Variants in ENKUR observed in about 807,000 individuals in gnomAD.
ENKUR encodes the protein enkurin.
Under a neutral mutation model 27.6 loss-of-function variants are expected in ENKUR, and 19 were observed. The ratio of observed to expected loss-of-function variants is 0.69; its 90% CI spans 0.48 to 1.01. The LOEUF (loss-of-function observed/expected upper bound fraction) is 1.01. Ranked by LOEUF, ENKUR falls within the 50% of genes least tolerant of loss-of-function variation. The pLI, the probability that ENKUR is intolerant of heterozygous loss-of-function variation, is 0.00. For synonymous variants in ENKUR, 117 were observed against 96.9 expected, an observed-to-expected ratio of 1.21 and a Z score of -1.22; for missense variants, 312 against 310.5, an observed-to-expected ratio of 1.00 and a Z score of -0.04.
intron 2 of ENKUR, among the ~76,000 whole-genome samples, chr10:25,047,759 G>C (rs1405093092): frequency 6.6e-6 from 1 of 152,056 alleles, no homozygotes; most frequent in African/African-American, 2.4e-5. Flanking sequence ...CTCATTATAG[G>C]CTTTTTATAG....
intron 2 of ENKUR, among the ~76,000 whole-genome samples, chr10:25,047,515 A>G (rs892913868): frequency 2.0e-5 from 3 of 152,184 alleles, no homozygotes; most frequent in African/African-American, 7.2e-5. Context: ...CTTTCAGAAA[A>G]GTATTGACAA....
At chr10:25,029,419 ATTGTT>A (rs1224325669) in intron 2 of ENKUR, among the ~76,000 whole-genome samples, 1 of 152,158 alleles carries the variant, frequency 6.6e-6, no homozygotes. Flanking sequence ...AAGACAATAA[ATTGTT>A]TTGTATGAAG....
intron 4 of ENKUR, among the ~76,000 whole-genome samples, chr10:24,988,238 ATATATATATATATGTGTATATATATATT>A (rs1157393684): frequency 6.9e-6 from 1 of 145,544 alleles, no homozygotes; most frequent in Admixed American, 7.0e-5. Context: ...AAAAATGTAT[ATATATATATATATGTGTATATATATATT>A]TATATATATG....
chr10:25,009,801 T>C (rs1420988835), intron 1 of ENKUR, among the ~76,000 whole-genome samples: 2 of 152,094 alleles, frequency 1.3e-5, no homozygotes, highest in Non-Finnish European at 2.9e-5. Flanking sequence ...GGCGTTCCCC[T>C]GCACACACTC....
intron 1 of ENKUR, among the ~76,000 whole-genome samples, chr10:25,009,892 A>G (rs1850401781): frequency 6.6e-6 from 1 of 152,192 alleles, no homozygotes. Flanking sequence ...GCCATGTGGA[A>G]CTGCGAGTCA....
At chr10:25,060,115 T>A (rs1221315850) in intron 2 of ENKUR, among the ~76,000 whole-genome samples, 1 of 152,168 alleles carries the variant, frequency 6.6e-6, no homozygotes, top group Non-Finnish European at 1.5e-5. Context: ...AGGAAGCCTG[T>A]GAAGCCGACC....
At chr10:25,020,238 A>ATATATCTATATT (rs1554772120), upstream of ENKUR, among the ~76,000 whole-genome samples, 805 of 126,634 alleles carry the variant, frequency 6.4e-3, 6 homozygotes, top group African/African-American at 0.019. Context: ...TTTCTTTAAA[A>ATATATCTATATT]TATATCTATA....
chr10:25,004,597 T>C (rs1392709676), intron 1 of ENKUR, among the ~76,000 whole-genome samples: 1 of 152,240 alleles, frequency 6.6e-6, no homozygotes, highest in Non-Finnish European at 1.5e-5. Flanking sequence ...CTTTGCCAAC[T>C]TTTTAATAGC....
At chr10:25,043,103 G>A (rs955494349) in intron 2 of ENKUR, among the ~76,000 whole-genome samples, 2 of 152,046 alleles carry the variant, frequency 1.3e-5, no homozygotes, top group Non-Finnish European at 2.9e-5. Context: ...CCAAAATTAG[G>A]TTTGAAAATT....
chr10:25,061,636 C>T (rs983938945), intron 1 of ENKUR, among the ~76,000 whole-genome samples: 23 of 152,168 alleles, frequency 1.5e-4, no homozygotes, highest in African/African-American at 4.8e-4. Context: ...GGAAAATCAA[C>T]ATGTTTCTCT....
At chr10:25,061,184 G>C in exon 2 of ENKUR, 1 of 1,534,764 alleles carries the variant, frequency 6.5e-7, no homozygotes, top group Non-Finnish European at 8.7e-7. Context: ...GAAGTTCATA[G>C]GTGTTGGACA....
chr10:25,020,338 A>T (rs942553954), upstream of ENKUR, among the ~76,000 whole-genome samples: 1 of 152,018 alleles, frequency 6.6e-6, no homozygotes, highest in East Asian at 1.9e-4. Context: ...ACAAGAGGGT[A>T]GAGGGGAACT....
chr10:25,028,551 T>C (rs1036653531), intron 2 of ENKUR, among the ~76,000 whole-genome samples: 2 of 152,224 alleles, frequency 1.3e-5, no homozygotes, highest in African/African-American at 4.8e-5. Context: ...TTTCTTCTTA[T>C]GGTATTTAGA....
At chr10:25,024,265 G>T (rs1484709911) in intron 2 of ENKUR, 1 of 1,614,156 alleles carries the variant, frequency 6.2e-7, no homozygotes, top group South Asian at 1.1e-5. Flanking sequence ...TGGACCAACA[G>T]GATCATTTAA....
chr10:25,054,513 C>CTTTCTTTCCTCTTTCCTTT (rs1554774507), intron 2 of ENKUR, among the ~76,000 whole-genome samples: 1 of 71,288 alleles, frequency 1.4e-5, no homozygotes, highest in African/African-American at 5.6e-5. Context: ...TTCTTTCTTT[C>CTTTCTTTCCTCTTTCCTTT]CTTTCTTTCT....
intron 2 of ENKUR, among the ~76,000 whole-genome samples, chr10:25,054,500 T>TCTTTCTTTCTTTC (rs1190744388): frequency 1.4e-5 from 2 of 140,804 alleles, no homozygotes; most frequent in Non-Finnish European, 3.1e-5. Flanking sequence ...TTTCTTTCTT[T>TCTTTCTTTCTTTC]CTTTCTTTCT....
At chr10:25,049,783 C>CAAA (rs60646580) in intron 2 of ENKUR, among the ~76,000 whole-genome samples, 28 of 69,262 alleles carry the variant, frequency 4.0e-4, no homozygotes, top group African/African-American at 1.0e-3. Context: ...GACTCCGTCT[C>CAAA]AAAAAAAAAA....
chr10:25,056,423 C>T (rs1000257642), intron 2 of ENKUR, among the ~76,000 whole-genome samples: 12 of 152,076 alleles, frequency 7.9e-5, no homozygotes, highest in African/African-American at 2.2e-4. Flanking sequence ...TGGGGGAAGA[C>T]GCATTCATAT....
At chr10:25,012,458 G>C (rs913355623) in intron 1 of ENKUR, among the ~76,000 whole-genome samples, 2 of 152,216 alleles carry the variant, frequency 1.3e-5, no homozygotes, top group Admixed American at 6.5e-5. Flanking sequence ...AATGGGGGCT[G>C]TACTGTGCCA....
Sources: allele counts gnomAD v4.1 joint callset (sites outside exome capture counted in the v4.1 genomes callset), GRCh38; gene constraint gnomAD v4.1.1; transcripts MANE v1.5; gene names NCBI Gene and HGNC (gene_info 2026-07-23, HGNC 2026-07-21).